SAMD12: variants seen among roughly 807,000 people sequenced by gnomAD.
The protein encoded by SAMD12 is sterile alpha motif domain-containing protein 12.
A neutral mutation model predicts 15.0 loss-of-function variants in SAMD12; 9 were observed. The ratio of observed to expected loss-of-function variants is 0.60; its 90% CI spans 0.36 to 1.05. The LOEUF (loss-of-function observed/expected upper bound fraction) is 1.05, where lower values mean the gene tolerates loss of function less well. Among genes scored for constraint, SAMD12 ranks in the 50% least tolerant of loss-of-function variants. The pLI, the probability that SAMD12 is intolerant of heterozygous loss-of-function variation, is 0.01. For synonymous variants in SAMD12, 86 were observed against 90.1 expected (o/e 0.96, Z 0.25); for missense variants, 230 against 234.2 (o/e 0.98, Z 0.12).
At chr8:118,302,004 C>T (rs1450018513) in intron 4 of SAMD12, among the ~76,000 whole-genome samples, 1 of 149,212 alleles carries the variant, frequency 6.7e-6, no homozygotes, top group East Asian at 1.9e-4. Flanking sequence ...AATAATAAGA[C>T]CAGTATATAA....
At chr8:118,575,832 G>A (rs1827132795) in intron 2 of SAMD12, among the ~76,000 whole-genome samples, 1 of 152,140 alleles carries the variant, frequency 6.6e-6, no homozygotes, top group African/African-American at 2.4e-5. Context: ...TCATGTTTAG[G>A]CCACTTGTGA....
intron 2 of SAMD12, among the ~76,000 whole-genome samples, chr8:118,514,169 A>T (rs1825164643): frequency 6.6e-6 from 1 of 152,136 alleles, no homozygotes; most frequent in South Asian, 2.1e-4. Flanking sequence ...ATTTAAAATG[A>T]TTTTTTAAGT....
chr8:118,160,208 C>T, the SAMD12 span, among the ~76,000 whole-genome samples: 1 of 152,086 alleles, frequency 6.6e-6, no homozygotes, highest in Non-Finnish European at 1.5e-5. Flanking sequence ...ACACTGAAAA[C>T]TATAAAACAT....
At chr8:118,438,420 ATTT>A (rs1554663497) in intron 3 of SAMD12, among the ~76,000 whole-genome samples, 1 of 151,398 alleles carries the variant, frequency 6.6e-6, no homozygotes, top group African/African-American at 2.4e-5. Context: ...TTTAAAAAAA[ATTT>A]TTTTTAATCA....
chr8:118,369,001 C>T (rs1331112692), intron 4 of SAMD12, among the ~76,000 whole-genome samples: 1 of 152,210 alleles, frequency 6.6e-6, no homozygotes, highest in Non-Finnish European at 1.5e-5. Context: ...TGAGTTCCAG[C>T]TCTGTGCCAT....
At chr8:118,270,373 T>C (rs1813325700) in intron 4 of SAMD12, among the ~76,000 whole-genome samples, 1 of 152,194 alleles carries the variant, frequency 6.6e-6, no homozygotes, top group African/African-American at 2.4e-5. Flanking sequence ...TATTTTTCTT[T>C]GATCAATGCC....
At chr8:118,407,905 A>G (rs755806619) in intron 3 of SAMD12, among the ~76,000 whole-genome samples, 10 of 152,020 alleles carry the variant, frequency 6.6e-5, no homozygotes, top group Non-Finnish European at 1.3e-4. Context: ...TGAACCTACT[A>G]TCTTACTATT....
chr8:118,197,790 T>C, intron 4 of SAMD12: 3 of 1,442,778 alleles, frequency 2.1e-6, no homozygotes, highest in South Asian at 2.3e-5. Context: ...TTCCAGGCAC[T>C]GATATGTAGC....
At chr8:118,162,497 C>A in the SAMD12 span, among the ~76,000 whole-genome samples, 1 of 151,706 alleles carries the variant, frequency 6.6e-6, no homozygotes, top group African/African-American at 2.4e-5. Flanking sequence ...GGAGAAGAAA[C>A]AGACTGGTAG....
At chr8:118,598,781 T>A (rs1237851152) in intron 1 of SAMD12, among the ~76,000 whole-genome samples, 1 of 152,156 alleles carries the variant, frequency 6.6e-6, no homozygotes, top group Admixed American at 6.5e-5. Flanking sequence ...AGGACCTAAA[T>A]CCAGTCAATA....
chr8:118,470,175 C>T (rs1026894076), intron 2 of SAMD12, among the ~76,000 whole-genome samples: 23 of 150,976 alleles, frequency 1.5e-4, no homozygotes, highest in African/African-American at 5.1e-4. Flanking sequence ...TATTATATGA[C>T]TCCACTTATG....
chr8:118,361,559 T>C (rs540381108), intron 4 of SAMD12, among the ~76,000 whole-genome samples: 1 of 152,270 alleles, frequency 6.6e-6, no homozygotes, highest in African/African-American at 2.4e-5. Context: ...AATTAGCATT[T>C]TGAAAAGGCA....
intron 2 of SAMD12, among the ~76,000 whole-genome samples, chr8:118,563,899 G>A (rs932023703): frequency 6.6e-6 from 1 of 152,170 alleles, no homozygotes; most frequent in Non-Finnish European, 1.5e-5. Flanking sequence ...GTTCCACAGG[G>A]TGCCATCCTC....
At chr8:118,594,463 C>T (rs753006621) in intron 1 of SAMD12, among the ~76,000 whole-genome samples, 50 of 152,002 alleles carry the variant, frequency 3.3e-4, no homozygotes, top group Non-Finnish European at 6.0e-4. Flanking sequence ...ACTACGAAAG[C>T]TAAAGGTTTG....
intron 2 of SAMD12, among the ~76,000 whole-genome samples, chr8:118,509,720 TTTAAG>T (rs201471455): frequency 0.011 from 1,612 of 152,306 alleles, 28 homozygotes; most frequent in African/African-American, 0.035. Context: ...CATTAAGAGC[TTTAAG>T]TTGTCTCAAC....
At chr8:118,338,260 A>G (rs1817180405) in intron 4 of SAMD12, among the ~76,000 whole-genome samples, 1 of 152,266 alleles carries the variant, frequency 6.6e-6, no homozygotes, top group African/African-American at 2.4e-5. Context: ...TCCCAAAGAC[A>G]TAAATTCTTC....
chr8:118,573,898 T>C (rs1827084694), intron 2 of SAMD12, among the ~76,000 whole-genome samples: 1 of 152,214 alleles, frequency 6.6e-6, no homozygotes, highest in Non-Finnish European at 1.5e-5. Flanking sequence ...CAGGCATTGA[T>C]ATTGCAGCAG....
the SAMD12 span, among the ~76,000 whole-genome samples, chr8:118,167,064 T>C: frequency 6.6e-6 from 1 of 152,182 alleles, no homozygotes; most frequent in African/African-American, 2.4e-5. Context: ...GAGTGGGTAC[T>C]CTTCCCTGCC....
intron 3 of SAMD12, among the ~76,000 whole-genome samples, chr8:118,405,194 A>T (rs981869798): frequency 2.6e-5 from 4 of 152,198 alleles, no homozygotes; most frequent in African/African-American, 4.8e-5. Context: ...TGGAGTATCT[A>T]TTAAGCTAAA....
Sources: gnomAD v4.1 joint callset for allele counts (sites outside exome capture counted in the v4.1 genomes callset) on GRCh38, gnomAD v4.1.1 for gene constraint, MANE v1.5 for transcripts, NCBI Gene and HGNC (gene_info 2026-07-23, HGNC 2026-07-21) for gene names.